MTNAP1: variants seen among roughly 807,000 people sequenced by gnomAD.
The protein encoded by MTNAP1 is mitochondrial nucleoid-associated protein 1.
the MTNAP1 span, chr17:73,243,077 ATTTTTTT>A: frequency 4.2e-4 from 184 of 438,556 alleles, 2 homozygotes; most frequent in African/African-American, 4.0e-3. Flanking sequence ...GATTCTCTGA[ATTTTTTT>A]TTTTTTTTTT....
the MTNAP1 span, chr17:73,242,121 T>C: frequency 1.8e-5 from 10 of 561,454 alleles, no homozygotes; most frequent in Non-Finnish European, 2.8e-5. Flanking sequence ...TGCAGAAATC[T>C]TTAATGCACC....
the MTNAP1 span, chr17:73,244,690 A>T: frequency 6.8e-6 from 1 of 146,054 alleles, no homozygotes; most frequent in Non-Finnish European, 1.5e-5. Context: ...CATAATTCAC[A>T]CACTGGACTT....
chr17:73,233,511 G>A, the MTNAP1 span, among the ~76,000 whole-genome samples: 4 of 152,232 alleles, frequency 2.6e-5, no homozygotes, highest in African/African-American at 9.6e-5. Context: ...CAAACAGTCT[G>A]TGGCTTTCAT....
the MTNAP1 span, chr17:73,236,227 G>A: frequency 1.2e-6 from 2 of 1,614,196 alleles, no homozygotes; most frequent in South Asian, 2.2e-5. Context: ...ATTAAGCAAT[G>A]AGAGAGATTC....
chr17:73,237,644 G>A, the MTNAP1 span, among the ~76,000 whole-genome samples: 140,911 of 152,236 alleles, frequency 0.93, 65,690 homozygotes, highest in Non-Finnish European at 0.99. Flanking sequence ...ATAAAGACTT[G>A]AAATTCAGCT....
At chr17:73,236,131 C>G in the MTNAP1 span, 2 of 1,614,144 alleles carry the variant, frequency 1.2e-6, no homozygotes, top group Non-Finnish European at 1.7e-6. Context: ...ACAGGAACTT[C>G]TAGTAAAATT....
At chr17:73,235,787 G>C in the MTNAP1 span, 1 of 1,614,014 alleles carries the variant, frequency 6.2e-7, no homozygotes, top group Non-Finnish European at 8.5e-7. Context: ...GGTTTGGAAA[G>C]AGCAGCTACT....
At chr17:73,248,282 A>C in the MTNAP1 span, 2 of 552,108 alleles carry the variant, frequency 3.6e-6, no homozygotes, top group African/African-American at 3.8e-5. Context: ...ACTGCTACCC[A>C]CAGAAGCCAG....
chr17:73,248,528 C>T, the MTNAP1 span: 20 of 1,551,532 alleles, frequency 1.3e-5, no homozygotes, highest in African/African-American at 2.7e-5. Flanking sequence ...CTTGAATTCC[C>T]GAATCTTCCT....
chr17:73,242,911 A>G, the MTNAP1 span: 6 of 1,613,752 alleles, frequency 3.7e-6, no homozygotes, highest in South Asian at 2.2e-5. Flanking sequence ...ATCAGGTGCA[A>G]CACCACCATA....
chr17:73,233,253 G>A, the MTNAP1 span: 1 of 152,302 alleles, frequency 6.6e-6, no homozygotes, highest in Non-Finnish European at 1.5e-5. Context: ...CCACACTCGG[G>A]AACGGTGATC....
chr17:73,245,152 C>T, the MTNAP1 span: 1 of 1,613,520 alleles, frequency 6.2e-7, no homozygotes, highest in Non-Finnish European at 8.5e-7. Flanking sequence ...TTACATTTGT[C>T]TCTGTTTATC....
chr17:73,247,159 A>C, the MTNAP1 span: 1 of 1,271,492 alleles, frequency 7.9e-7, no homozygotes. Context: ...GCTGTTTCAC[A>C]CAACAACAGC....
At chr17:73,236,183 A>C in the MTNAP1 span, 1 of 1,614,206 alleles carries the variant, frequency 6.2e-7, no homozygotes, top group Non-Finnish European at 8.5e-7. Context: ...TCTCCAAAGA[A>C]TGTCAGTGAT....
the MTNAP1 span, among the ~76,000 whole-genome samples, chr17:73,246,153 G>A: frequency 0.014 from 2,088 of 152,238 alleles, 56 homozygotes; most frequent in African/African-American, 0.048. Context: ...TATATCACAC[G>A]CACACACCCG....
the MTNAP1 span, among the ~76,000 whole-genome samples, chr17:73,237,168 A>C: frequency 6.6e-6 from 1 of 152,228 alleles, no homozygotes; most frequent in Non-Finnish European, 1.5e-5. Context: ...GTAGTGGCTC[A>C]CACCTGTAAT....
the MTNAP1 span, chr17:73,236,975 A>T: frequency 2.5e-6 from 4 of 1,580,342 alleles, no homozygotes; most frequent in Middle Eastern, 1.7e-4. Flanking sequence ...ATCAGTCCCC[A>T]GGGGGAAAGA....
chr17:73,245,456 A>G, the MTNAP1 span: 5 of 1,145,682 alleles, frequency 4.4e-6, no homozygotes, highest in Non-Finnish European at 5.4e-6. Context: ...AGTTTTGTTT[A>G]ACCATAAAGT....
chr17:73,244,007 T>A, the MTNAP1 span, among the ~76,000 whole-genome samples: 10 of 152,218 alleles, frequency 6.6e-5, no homozygotes, highest in Admixed American at 6.5e-4. Context: ...CACTTACCAA[T>A]GTGTCTAAGT....
Sources: gnomAD v4.1 joint callset for allele counts (sites outside exome capture counted in the v4.1 genomes callset) on GRCh38, gnomAD v4.1.1 for gene constraint, MANE v1.5 for transcripts, NCBI Gene and HGNC (gene_info 2026-07-23, HGNC 2026-07-21) for gene names.